The following RALGDS variants were observed in gnomAD, a reference collection of about 807,000 sequenced individuals.
The protein encoded by RALGDS is ral guanine nucleotide dissociation stimulator, also known as ral guanine nucleotide exchange factor.
A neutral mutation model predicts 99.8 loss-of-function variants in RALGDS; 44 were observed. That is an observed-to-expected ratio of 0.44 (90% CI 0.35 to 0.57). The LOEUF is 0.57. Among genes scored for constraint, RALGDS ranks in the 20% least tolerant of loss-of-function variants. RALGDS has a pLI of 0.01. For synonymous variants in RALGDS, 529 were observed against 505.0 expected (o/e 1.05, Z -0.64); for missense variants, 1,022 against 1,203.1 (o/e 0.85, Z 2.23).
At chr9:133,115,837 C>G (rs1831578560) in intron 1 of RALGDS, among the ~76,000 whole-genome samples, 2 of 152,244 alleles carry the variant, frequency 1.3e-5, no homozygotes, top group Non-Finnish European at 2.9e-5. Flanking sequence ...GGCTGAGTCA[C>G]CCTGAAACCC....
intron 6 of RALGDS, among the ~76,000 whole-genome samples, chr9:133,107,629 A>G (rs1056344857): frequency 6.6e-6 from 1 of 152,198 alleles, no homozygotes. Context: ...CATAGGCTCC[A>G]GGACACACCA....
chr9:133,101,808 C>G, intron 15 of RALGDS, 46 bp from the exon 16 acceptor site: 2 of 1,563,382 alleles, frequency 1.3e-6, no homozygotes, highest in Non-Finnish European at 1.7e-6. Context: ...CCTGTGGGGG[C>G]ACCCCAGGCC....
At chr9:133,109,527 G>T (rs1831234901) in intron 4 of RALGDS, 99 bp downstream of exon 4, 2 of 1,115,728 alleles carry the variant, frequency 1.8e-6, no homozygotes, top group African/African-American at 1.5e-5. Flanking sequence ...GGGAGCCAGG[G>T]TTCTGCCCAG....
intron 12 of RALGDS, 116 bp downstream of exon 12, chr9:133,103,112 CTG>C: frequency 1.4e-6 from 2 of 1,449,894 alleles, no homozygotes. Flanking sequence ...CCCCTTCTCT[CTG>C]TGTCCAAATG....
At chr9:133,105,496 G>A (rs1830972734) in intron 9 of RALGDS, among the ~76,000 whole-genome samples, 1 of 152,154 alleles carries the variant, frequency 6.6e-6, no homozygotes, top group Non-Finnish European at 1.5e-5. Flanking sequence ...TGTCCCTGGG[G>A]TAGGCAGGCT....
chr9:133,120,983 G>T lies in RALGDS; in HGVS notation c.172C>A (p.Pro58Thr). The change falls in exon 1 of 18, where the codon CCG becomes ACG. Residue 58 changes from proline (P) to threonine (T), a missense_variant. By Grantham distance (38) the Pro-to-Thr change is conservative. This residue lies in a region of RALGDS where 180 missense variants were observed against 169.3 expected (regional missense o/e 1.06). Coordinates refer to ENST00000372050, the MANE Select transcript of RALGDS (RefSeq NM_006266.4). Reference protein sequence around the residue: ...HSFTQLDPDLPRPESSTQEIG... With the variant: ...HSFTQLDPDLTRPESSTQEIG... ...CCCAGCTCACCCACCTCCGGGCGCG[G>T]CAGGTCGGGGTCTAGCTGCGTGAAG... 6.7e-7 allele frequency: 1 copy of T among 1,485,014 alleles called. No individual in the cohort carries two copies. The highest frequency in any genetic ancestry group is 8.9e-7 in the Non-Finnish European group (1 of 1,123,696). 92.0% of individuals were successfully genotyped at this position (1,485,014 alleles called of 1,614,324 possible). A position where few individuals can be genotyped will look rare whatever the true frequency, so the allele number is the denominator to read the frequency against.
chr9:133,106,648 G>A lies in RALGDS; in HGVS notation c.1514C>T (p.Ser505Phe). The change falls in exon 8 of 18, where the codon TCC (serine) becomes TTC (phenylalanine). Residue 505 changes from serine to phenylalanine, a missense_variant. Physicochemically the swap from Ser to Phe is radical, Grantham distance 155. Transcript: ENST00000372050. Reference sequence around the variant, plus strand: ...GCTCCTACAGAGGCATGCCCACCTGGAAACGTCTTCCCACGTCTTCTTCAG... The same window carrying A: ...GCTCCTACAGAGGCATGCCCACCTGAAAACGTCTTCCCACGTCTTCTTCAG... ...HRLKKTWEDV[S>F]RDSFRIFQKL... 1 of 1,606,410 alleles carries A rather than the reference G, an allele frequency of 6.2e-7. No individual in the cohort carries two copies. Among genetic ancestry groups the A allele is most frequent in the Non-Finnish European group, 8.5e-7 (1 of 1,175,492 alleles).
At chr9:133,142,180 CCT>C (rs962532927) in intron 1 of RALGDS, among the ~76,000 whole-genome samples, 1 of 152,042 alleles carries the variant, frequency 6.6e-6, no homozygotes, top group African/African-American at 2.4e-5. Context: ...CTGGGGTGTC[CCT>C]CAGGAAGGAT....
Position 133,101,667 on chromosome 9 carries a change from C to G in RALGDS, c.2307G>C (p.Val769=). 1 of 1,613,892 alleles carries G rather than the reference C, an allele frequency of 6.2e-7. No homozygotes were observed. Among genetic ancestry groups the G allele is most frequent in the South Asian group, 1.1e-5 (1 of 91,082 alleles). ...AGCGCTTGTGGGTGCGTGTGGCAGC[C>G]ACGGGCGTGGTGGAGGCTGAGGAGG... ...TSSSSASTTP[V]AATRTHKRSV... The change falls in exon 16 of 18, where the codon GTG becomes GTC. Residue 769 remains valine, a synonymous_variant. Transcript: ENST00000372050.
At chr9:133,116,556 A>G (rs921780768) in intron 1 of RALGDS, among the ~76,000 whole-genome samples, 1 of 152,220 alleles carries the variant, frequency 6.6e-6, no homozygotes, top group Non-Finnish European at 1.5e-5. Context: ...AGCCCCTGAC[A>G]GTCAGGTGAA....
intron 1 of RALGDS, among the ~76,000 whole-genome samples, chr9:133,126,508 G>A (rs920514485): frequency 6.6e-6 from 1 of 152,194 alleles, no homozygotes; most frequent in African/African-American, 2.4e-5. Flanking sequence ...TGACCACACC[G>A]GGTCTGTGTT....
chr9:133,107,424 G>C (rs1407124718), intron 6 of RALGDS, 124 bp from the exon 7 acceptor site: 4 of 889,300 alleles, frequency 4.5e-6, no homozygotes, highest in Non-Finnish European at 7.2e-6. Context: ...CATGCAGGGT[G>C]CCCAGCACAC....
chr9:133,145,003 G>A (rs1008974169), intron 1 of RALGDS, among the ~76,000 whole-genome samples: 6 of 152,210 alleles, frequency 3.9e-5, no homozygotes, highest in African/African-American at 1.2e-4. Context: ...GCAGTCACAC[G>A]TCTACAAAAC....
In RALGDS at chr9:133,101,223, C is replaced by T. The variant is rs575932510; in HGVS notation, c.2454+297G>A. ...TCTTCCTCCCCGAGAAAGTCGAGGT[C>T]CTGGCAGGGCTCAGGGCCTATGTGG... On this transcript the variant is annotated intron_variant, in intron 16 of 17. Transcript: ENST00000372050. 10 of 1,267,278 alleles carry T rather than the reference C, an allele frequency of 7.9e-6. No homozygotes were observed. The Admixed American group carries it at 3.1e-4, about 39-fold the overall frequency. 78.5% of individuals were successfully genotyped at this position (1,267,278 alleles called of 1,614,324 possible).
rs890507267 is a variant in RALGDS, at chr9:133,102,117, G to A, written c.2032C>T (p.Leu678Phe). 4 of 1,572,076 alleles carry A rather than the reference G, an allele frequency of 2.5e-6. No homozygotes were observed. In the African/African-American group the frequency reaches 5.4e-5, roughly 21 times the overall value. Reference protein sequence around the residue: ...WSDRQAPSTELSTSGSSHSKS... With the variant: ...WSDRQAPSTEFSTSGSSHSKS... ...GAGTGGGAGCTGCCACTGGTACTGAGCTCAGTGCTGGGGGCCTGGCGGCTG... is the reference window on the plus strand; with the variant it reads ...GAGTGGGAGCTGCCACTGGTACTGAACTCAGTGCTGGGGGCCTGGCGGCTG... Residue 678 changes from leucine (L) to phenylalanine (F), a missense_variant, in exon 15 of 18, where the codon CTC becomes TTC. Transcript: ENST00000372050.
At chr9:133,141,191 A>G (rs1416186950) in intron 1 of RALGDS, among the ~76,000 whole-genome samples, 2 of 152,098 alleles carry the variant, frequency 1.3e-5, no homozygotes, top group Non-Finnish European at 2.9e-5. Flanking sequence ...CAACAGTCCT[A>G]CCCTCACTGC....
intron 1 of RALGDS, among the ~76,000 whole-genome samples, chr9:133,127,334 C>T (rs913419436): frequency 1.5e-4 from 23 of 152,246 alleles, no homozygotes; most frequent in Non-Finnish European, 2.5e-4. Flanking sequence ...ATCACCTTTT[C>T]CAACCTGGGC....
chr9:133,108,918 AGGCTGGGCTCCTGAGCCG>A (rs776121943), intron 4 of RALGDS, 52 bp from the exon 5 acceptor site: 5 of 1,534,020 alleles, frequency 3.3e-6, no homozygotes, highest in African/African-American at 2.7e-5. Context: ...CCCCTGAGCC[AGGCTGGGCTCCTGAGCCG>A]GCCCCTGTCC....
rs1371114700 is a variant in RALGDS, at chr9:133,128,151, C to T, written c.132+2801G>A. ...CTGGCACTGTGAGGAGTCACTGCCA[C>T]CCCCGAGGGGCCACCAATTCAACAT... On this transcript the variant is annotated intron_variant, in intron 1 of 17. Transcript: ENST00000372062. Among the ~76,000 whole-genome samples the T allele has an allele frequency of 7.2e-5, 11 of 152,302 alleles. No homozygotes were observed. In the East Asian group the frequency reaches 1.9e-3, roughly 27 times the overall value.
Sources: gnomAD v4.1 joint callset for allele counts (sites outside exome capture counted in the v4.1 genomes callset) on GRCh38, gnomAD v4.1.1 for gene constraint, gnomAD v4.1.1 regional missense constraint, MANE v1.5 for transcripts, NCBI Gene and HGNC (gene_info 2026-07-23, HGNC 2026-07-21) for gene names.